Variants in NCK1 observed in about 807,000 individuals in gnomAD.
NCK1 encodes SH2/SH3 adapter protein NCK1.
In NCK1, 19 loss-of-function variants were observed where a neutral mutation model predicts 36.6. The observed-to-expected ratio is 0.52, with a 90% CI of 0.36 to 0.76. The LOEUF is 0.76. Among genes scored for constraint, NCK1 ranks in the 30% least tolerant of loss-of-function variants. NCK1 has a pLI of 0.00. For synonymous variants in NCK1, 165 were observed against 156.0 expected (o/e 1.06, Z -0.43); for missense variants, 358 against 445.6 (o/e 0.80, Z 1.77).
chr3:136,934,087 G>T (rs1455915807), intron 2 of NCK1, among the ~76,000 whole-genome samples: 1 of 152,104 alleles, frequency 6.6e-6, no homozygotes, highest in Non-Finnish European at 1.5e-5. Flanking sequence ...TGGAGTTCCT[G>T]CTATGTACTG....
Position 136,902,191 on chromosome 3 carries a change from T to TG in NCK1, c.-18-25793_-18-25792insG, listed in dbSNP as rs112152180. Among the ~76,000 whole-genome samples, 13 of 93,656 alleles carry TG rather than the reference T, an allele frequency of 1.4e-4. 1 individual carries two copies. Among genetic ancestry groups the TG allele is most frequent in the African/African-American group, 4.4e-4 (12 of 27,142 alleles). The allele number at this position is 93,656 out of a possible 152,430, so 61.4% of individuals were successfully genotyped here. A position where few individuals can be genotyped will look rare whatever the true frequency, so the allele number is the denominator to read the frequency against. On this transcript the variant is annotated intron_variant, in intron 1 of 3. Coordinates refer to ENST00000481752, the MANE Select transcript of NCK1 (RefSeq NM_001291999.2). ...AGTTCTTCTTAACTCTTTGTTTTTTTTTTTTTTTTTTGTTTTTGTTTTTTG... is the reference window on the plus strand; with the variant it reads ...AGTTCTTCTTAACTCTTTGTTTTTTTGTTTTTTTTTTTGTTTTTGTTTTTTG...
At chr3:136,874,123 T>G (rs1471825544) in intron 1 of NCK1, among the ~76,000 whole-genome samples, 1 of 152,202 alleles carries the variant, frequency 6.6e-6, no homozygotes, top group East Asian at 1.9e-4. Context: ...GATTTTCAGT[T>G]TTTTGGCTAT....
At chr3:136,873,355 T>C (rs996358797) in intron 1 of NCK1, among the ~76,000 whole-genome samples, 9 of 152,212 alleles carry the variant, frequency 5.9e-5, no homozygotes, top group African/African-American at 1.7e-4. Context: ...ACCTTTGTTC[T>C]GGGCAATTTC....
rs1560028552 is a variant in NCK1 at position 136,867,124 on chromosome 3, CT to C, written c.-19+4774del. Among the ~76,000 whole-genome samples the C allele has an allele frequency of 1.1e-3, 47 of 41,926 alleles. 3 individuals carry two copies. Among genetic ancestry groups the C allele is most frequent in the East Asian group, 1.8e-3 (3 of 1,660 alleles). 27.5% of individuals were successfully genotyped at this position (41,926 alleles called of 152,430 possible). ...TCTTTCTTTCTTTCTTTCTTTGTTT[CT>C]TTCTTTCCTTCCTTCCTTCCTTCCT... On this transcript the variant is annotated intron_variant, in intron 1 of 3. Coordinates refer to ENST00000481752, the MANE Select transcript of NCK1 (RefSeq NM_001291999.2).
rs1938456364 is a variant in NCK1, at chr3:136,867,109, TTTCTTTCTTTGTTTCTTTC to T, written c.-19+4759_-19+4777del. 6.0e-5 allele frequency among the ~76,000 whole-genome samples: 2 copies of T among 33,286 alleles called. 1 individual carries two copies. 21.8% of individuals were successfully genotyped at this position (33,286 alleles called of 152,430 possible). The stretch of plus-strand genomic sequence containing the variant: ...CTTTCTTTCTTTCTTTCTTTCTTTC[TTTCTTTCTTTGTTTCTTTC>T]TTTCCTTCCTTCCTTCCTTCCTTCC... On this transcript the variant is annotated intron_variant, in intron 1 of 3. Transcript: ENST00000481752.
intron 1 of NCK1, among the ~76,000 whole-genome samples, chr3:136,874,519 C>A (rs1019032238): frequency 4.6e-5 from 7 of 152,192 alleles, no homozygotes; most frequent in African/African-American, 9.7e-5. Flanking sequence ...CTCATTTCTC[C>A]TGGCTGTATA....
At chr3:136,893,193 C>T (rs866894036) in intron 1 of NCK1, among the ~76,000 whole-genome samples, 1 of 81,396 alleles carries the variant, frequency 1.2e-5, no homozygotes, top group African/African-American at 5.3e-5. Context: ...TATATATATA[C>T]ACACATGTGC....
Position 136,934,788 on chromosome 3 carries a change from A to G in NCK1, c.226+6561A>G, listed in dbSNP as rs1576987505. 2.0e-5 allele frequency among the ~76,000 whole-genome samples: 3 copies of G among 152,340 alleles called. No homozygotes were observed. The East Asian group carries it at 5.8e-4, about 29-fold the overall frequency. On this transcript the variant is annotated intron_variant, in intron 2 of 3. Coordinates refer to ENST00000481752, the MANE Select transcript of NCK1 (RefSeq NM_001291999.2). Reference sequence around the variant, plus strand: ...ACTAAAATTTAAACTTGTATCTCCTATTAAAGTTCTCATAGTAGATATTTT... The same window carrying G: ...ACTAAAATTTAAACTTGTATCTCCTGTTAAAGTTCTCATAGTAGATATTTT...
At chr3:136,903,527 C>T (rs374353664) in intron 1 of NCK1, among the ~76,000 whole-genome samples, 37 of 152,078 alleles carry the variant, frequency 2.4e-4, no homozygotes, top group East Asian at 1.7e-3. Flanking sequence ...TGGGTTCAAG[C>T]GATTCTCCTG....
At chr3:136,869,361 A>G (rs1277979849) in intron 1 of NCK1, among the ~76,000 whole-genome samples, 1 of 152,220 alleles carries the variant, frequency 6.6e-6, no homozygotes, top group Non-Finnish European at 1.5e-5. Context: ...AGCTTGGCCA[A>G]CATGGTGAAA....
chr3:136,868,212 AG>A (rs1260866604), intron 1 of NCK1, among the ~76,000 whole-genome samples: 2 of 152,170 alleles, frequency 1.3e-5, no homozygotes, highest in African/African-American at 2.4e-5. Flanking sequence ...CACCATGCCC[AG>A]CCTTACATTG....
chr3:136,947,247 G>C (rs112398153), intron 3 of NCK1, among the ~76,000 whole-genome samples: 1 of 152,062 alleles, frequency 6.6e-6, no homozygotes. Flanking sequence ...TTTTCTGTTA[G>C]TTGCCTGATC....
intron 1 of NCK1, among the ~76,000 whole-genome samples, chr3:136,869,526 CAG>C (rs1327135132): frequency 2.6e-5 from 4 of 152,128 alleles, no homozygotes; most frequent in Admixed American, 1.3e-4. Context: ...GCCTGGGTGA[CAG>C]AGCGAGATTG....
At chr3:136,945,370 T>C (rs541989658) in intron 2 of NCK1, among the ~76,000 whole-genome samples, 1 of 152,316 alleles carries the variant, frequency 6.6e-6, no homozygotes, top group East Asian at 1.9e-4. Context: ...AACTGTCATA[T>C]AATAACAAAT....
intron 2 of NCK1, among the ~76,000 whole-genome samples, chr3:136,939,916 T>C (rs979501389): frequency 2.7e-5 from 4 of 146,002 alleles, no homozygotes; most frequent in African/African-American, 1.0e-4. Flanking sequence ...AGTAGCATGA[T>C]CATGGCTCAC....
rs1212290717 is a variant in NCK1 at position 136,946,274 on chromosome 3, C to T, written c.918C>T (p.Leu306=). Residue 306 remains leucine, a synonymous_variant, in exon 3 of 4, where the codon CTC becomes CTT. Transcript: ENST00000481752. ...AAAGAGGACATGAAGGGGATTTCCTCATTCGTGATAGTGAATCTTCGGTAA... is the reference window on the plus strand; with the variant it reads ...AAAGAGGACATGAAGGGGATTTCCTTATTCGTGATAGTGAATCTTCGGTAA... ...LNERGHEGDF[L]IRDSESSPND... 1.9e-6 allele frequency: 3 copies of T among 1,611,336 alleles called. No homozygotes were observed. The highest frequency in any genetic ancestry group is 2.5e-6 in the Non-Finnish European group (3 of 1,178,616).
At chr3:136,900,876 C>T (rs1939523577) in intron 1 of NCK1, among the ~76,000 whole-genome samples, 1 of 152,160 alleles carries the variant, frequency 6.6e-6, no homozygotes, top group Admixed American at 6.5e-5. Context: ...TTGACTTCCT[C>T]TTTTCTAATT....
At chr3:136,884,072 T>G (rs1420536649) in intron 1 of NCK1, among the ~76,000 whole-genome samples, 2 of 152,174 alleles carry the variant, frequency 1.3e-5, no homozygotes, top group Non-Finnish European at 2.9e-5. Flanking sequence ...CAATTCAAAT[T>G]ACAGAGTCTA....
intron 2 of NCK1, among the ~76,000 whole-genome samples, chr3:136,929,928 T>G (rs2108131956): frequency 6.6e-6 from 1 of 152,334 alleles, no homozygotes; most frequent in Non-Finnish European, 1.5e-5. Context: ...AGTATTCTGA[T>G]GTTATTGAGA....
Sources: allele counts gnomAD v4.1 joint callset (sites outside exome capture counted in the v4.1 genomes callset), GRCh38; gene constraint gnomAD v4.1.1; transcripts MANE v1.5; gene names NCBI Gene and HGNC (gene_info 2026-07-23, HGNC 2026-07-21).